Variants in CDKN3 observed in about 807,000 individuals in gnomAD.
CDKN3 encodes cyclin-dependent kinase inhibitor 3.
In CDKN3, 19 loss-of-function variants were observed where a neutral mutation model predicts 36.1. The ratio of observed to expected loss-of-function variants is 0.53; its 90% CI spans 0.37 to 0.77. CDKN3 has a LOEUF of 0.77. CDKN3 is among the 30% of genes least tolerant of loss of function. The pLI is 0.00. For synonymous variants in CDKN3, 71 were observed against 85.3 expected, an observed-to-expected ratio of 0.83 and a Z score of 0.92; for missense variants, 188 against 248.6, an observed-to-expected ratio of 0.76 and a Z score of 1.64.
chr14:54,400,683 C>T (rs1468649999), intron 2 of CDKN3, among the ~76,000 whole-genome samples: 2 of 152,186 alleles, frequency 1.3e-5, no homozygotes, highest in Admixed American at 1.3e-4. Context: ...GGTCTTTTGT[C>T]CTGCCATCAA....
At chr14:54,397,994 G>T (rs1322370085) in intron 1 of CDKN3, among the ~76,000 whole-genome samples, 1 of 152,204 alleles carries the variant, frequency 6.6e-6, no homozygotes, top group East Asian at 1.9e-4. Flanking sequence ...AGCTGAGCGT[G>T]GTAGTGCACG....
intron 7 of CDKN3, among the ~76,000 whole-genome samples, chr14:54,419,569 A>C (rs1263973923): frequency 1.3e-5 from 2 of 152,226 alleles, no homozygotes; most frequent in African/African-American, 4.8e-5. Context: ...AAAAAGCAGA[A>C]GACTAGGGCT....
At chr14:54,403,599 G>A (rs1316696318) in intron 3 of CDKN3, among the ~76,000 whole-genome samples, 1 of 152,166 alleles carries the variant, frequency 6.6e-6, no homozygotes, top group African/African-American at 2.4e-5. Context: ...GGTGAGAGAG[G>A]GCATTCTTGT....
In CDKN3 at chr14:54,417,843, A is replaced by G; in HGVS notation, c.449-5A>G. The G allele has an allele frequency of 6.5e-7, 1 of 1,535,436 alleles. No individual in the cohort carries two copies. Among genetic ancestry groups the G allele is most frequent in the Middle Eastern group, 1.7e-4 (1 of 5,882 alleles). ...ACATATTATTTTTCTGTCATGTTCC[A>G]TTAGTAGCTGCTTGTCTCCTACTAT... On this transcript the variant is annotated splice_region_variant and splice_polypyrimidine_tract_variant and intron_variant, in intron 6 of 7. Coordinates refer to ENST00000335183, the MANE Select transcript of CDKN3 (RefSeq NM_005192.4).
chr14:54,400,867 C>A (rs2029913962), intron 2 of CDKN3, among the ~76,000 whole-genome samples: 1 of 152,182 alleles, frequency 6.6e-6, no homozygotes, highest in Admixed American at 6.5e-5. Context: ...AATATGATTT[C>A]TTCACATTAT....
intron 4 of CDKN3, among the ~76,000 whole-genome samples, chr14:54,409,498 C>T (rs977763552): frequency 3.9e-5 from 6 of 152,054 alleles, no homozygotes; most frequent in Admixed American, 1.3e-4. Context: ...AAAAACTTTT[C>T]GTGGTTATTC....
At chr14:54,416,497 T>G (rs1369219640) in intron 6 of CDKN3, among the ~76,000 whole-genome samples, 2 of 152,168 alleles carry the variant, frequency 1.3e-5, no homozygotes, top group African/African-American at 4.8e-5. Context: ...GTATCCAGAA[T>G]ATAAAAAGAA....
At chr14:54,403,036 C>CTT (rs1419507459) in intron 3 of CDKN3, among the ~76,000 whole-genome samples, 1 of 152,066 alleles carries the variant, frequency 6.6e-6, no homozygotes, top group African/African-American at 2.4e-5. Context: ...TATATGGGCT[C>CTT]TTTTTTTGTT....
intron 3 of CDKN3, among the ~76,000 whole-genome samples, chr14:54,403,943 A>G (rs2030053812): frequency 6.6e-6 from 1 of 152,160 alleles, no homozygotes; most frequent in Non-Finnish European, 1.5e-5. Context: ...GTTTGCCAGT[A>G]TTTTACTGAG....
intron 5 of CDKN3, chr14:54,413,954 C>CAGTCTCAGAGGGCA: frequency 2.2e-6 from 1 of 445,720 alleles, no homozygotes; most frequent in Non-Finnish European, 3.4e-6. Context: ...GCCATGCCCT[C>CAGTCTCAGAGGGCA]TGAGACTGAG....
At chr14:54,401,374 G>A in intron 2 of CDKN3, 150 bp from the exon 3 acceptor site, 1 of 545,426 alleles carries the variant, frequency 1.8e-6, no homozygotes, top group Non-Finnish European at 3.3e-6. Context: ...CCAACATATT[G>A]ATACTTAACT....
At chr14:54,401,463 A>C in intron 2 of CDKN3, 61 bp from the exon 3 acceptor site, 2 of 1,167,306 alleles carry the variant, frequency 1.7e-6, no homozygotes, top group Non-Finnish European at 2.6e-6. Context: ...GATTAAACTG[A>C]ATTTCCATTT....
At chr14:54,398,627 G>C (rs2239584) in intron 1 of CDKN3, among the ~76,000 whole-genome samples, 31,977 of 152,156 alleles carry the variant, frequency 0.21, 3,560 homozygotes, top group East Asian at 0.38. Context: ...TAGGGAGTGA[G>C]AAAAGGGTAT....
Position 54,411,472 on chromosome 14 carries a change from G to C in CDKN3, c.194-12G>C, listed in dbSNP as rs2030349634. The C allele has an allele frequency of 6.3e-7, 1 of 1,598,984 alleles. No homozygotes were observed. Among genetic ancestry groups the C allele is most frequent in the East Asian group, 2.2e-5 (1 of 44,814 alleles). On this transcript the variant is annotated splice_polypyrimidine_tract_variant and intron_variant, in intron 4 of 7. Coordinates refer to ENST00000335183, the MANE Select transcript of CDKN3 (RefSeq NM_005192.4). ...TATGTGTGTGTGTCTGTGTATCCTG[G>C]TCTATTGGCAGAAGAACTAAAGAGC... is the stretch of plus-strand genomic sequence containing the variant.
chr14:54,418,697 A>G (rs547048006), intron 7 of CDKN3, among the ~76,000 whole-genome samples: 2 of 152,298 alleles, frequency 1.3e-5, no homozygotes, highest in African/African-American at 4.8e-5. Context: ...CCATCTTCCC[A>G]GGGTTGGAGG....
chr14:54,398,024 G>T (rs936408297), intron 1 of CDKN3, among the ~76,000 whole-genome samples: 1 of 152,130 alleles, frequency 6.6e-6, no homozygotes. Context: ...CCAGCTACTC[G>T]GGAGGCTGAG....
chr14:54,397,348 C>A (rs546161397), intron 1 of CDKN3, among the ~76,000 whole-genome samples: 2 of 152,380 alleles, frequency 1.3e-5, no homozygotes, highest in South Asian at 4.1e-4. Flanking sequence ...TCATAAGCCT[C>A]CCAGCCGCCC....
chr14:54,407,936 C>G (rs758931466), intron 3 of CDKN3, among the ~76,000 whole-genome samples: 1 of 152,198 alleles, frequency 6.6e-6, no homozygotes, highest in Non-Finnish European at 1.5e-5. Flanking sequence ...ATTGGTCTTG[C>G]TGGGAGCTGC....
intron 5 of CDKN3, among the ~76,000 whole-genome samples, chr14:54,412,209 C>T (rs962779512): frequency 6.6e-6 from 1 of 151,944 alleles, no homozygotes; most frequent in Non-Finnish European, 1.5e-5. Context: ...GGCAAAACCC[C>T]ATCTCCGCAA....
Sources: allele counts gnomAD v4.1 joint callset (sites outside exome capture counted in the v4.1 genomes callset), GRCh38; gene constraint gnomAD v4.1.1; transcripts MANE v1.5; gene names NCBI Gene and HGNC (gene_info 2026-07-23, HGNC 2026-07-21).